Variants in DNAJC3 observed in about 807,000 individuals in gnomAD.
DNAJC3 encodes the protein dnaJ homolog subfamily C member 3.
Under a neutral mutation model 68.6 loss-of-function variants are expected in DNAJC3, and 38 were observed. The ratio of observed to expected loss-of-function variants is 0.55; its 90% CI spans 0.43 to 0.73. DNAJC3 has a LOEUF of 0.73. Among genes scored for constraint, DNAJC3 ranks in the 30% least tolerant of loss-of-function variants. DNAJC3 has a pLI of 0.00. For synonymous variants in DNAJC3, 203 were observed against 204.0 expected, an observed-to-expected ratio of 1.00 and a Z score of 0.04; for missense variants, 526 against 591.9, an observed-to-expected ratio of 0.89 and a Z score of 1.16.
At chr13:95,776,056 T>A (rs1269927510) in intron 9 of DNAJC3, among the ~76,000 whole-genome samples, 2 of 152,068 alleles carry the variant, frequency 1.3e-5, no homozygotes, top group Non-Finnish European at 2.9e-5. Flanking sequence ...AACTCCTGGC[T>A]GTGCCTGGCC....
intron 4 of DNAJC3, among the ~76,000 whole-genome samples, chr13:95,756,338 A>G (rs944442495): frequency 2.0e-5 from 3 of 152,340 alleles, no homozygotes; most frequent in Admixed American, 2.0e-4. Context: ...TGGATGATGC[A>G]ATCATTCCGG....
intron 9 of DNAJC3, among the ~76,000 whole-genome samples, chr13:95,774,386 T>A (rs1169158296): frequency 2.6e-5 from 4 of 152,204 alleles, no homozygotes; most frequent in Non-Finnish European, 5.9e-5. Context: ...TCCATTGTGG[T>A]CAGAGAACAT....
intron 9 of DNAJC3, among the ~76,000 whole-genome samples, chr13:95,773,109 AT>A (rs540121753): frequency 0.11 from 7,238 of 62,978 alleles, 338 homozygotes; most frequent in Middle Eastern, 0.24. Flanking sequence ...TTGGTTTTTG[AT>A]TTTTTTTTTT....
chr13:95,789,159 TA>T (rs1883687927), intron 11 of DNAJC3, among the ~76,000 whole-genome samples: 2 of 152,200 alleles, frequency 1.3e-5, no homozygotes, highest in East Asian at 1.9e-4. Context: ...TAAGTCTTTT[TA>T]TTTTTTTTTT....
chr13:95,701,425 A>G (rs1201046210), intron 1 of DNAJC3, among the ~76,000 whole-genome samples: 1 of 152,218 alleles, frequency 6.6e-6, no homozygotes, highest in African/African-American at 2.4e-5. Flanking sequence ...GGGCCGCTAA[A>G]TGGAAAAGGC....
At chr13:95,741,972 A>G (rs1487898002) in intron 4 of DNAJC3, among the ~76,000 whole-genome samples, 1 of 152,050 alleles carries the variant, frequency 6.6e-6, no homozygotes, top group African/African-American at 2.4e-5. Context: ...TGTGGTGGGT[A>G]AGGGTGGGGT....
chr13:95,708,019 C>T (rs1299037891), intron 1 of DNAJC3, among the ~76,000 whole-genome samples: 1 of 152,078 alleles, frequency 6.6e-6, no homozygotes, highest in Non-Finnish European at 1.5e-5. Context: ...CTGAGGTTGC[C>T]AGATCACTGA....
intron 9 of DNAJC3, among the ~76,000 whole-genome samples, chr13:95,765,676 ATTC>A (rs907696625): frequency 6.6e-6 from 1 of 151,100 alleles, no homozygotes; most frequent in Non-Finnish European, 1.5e-5. Context: ...ATTGCAACCA[ATTC>A]TTCTGCCTCA....
At chr13:95,754,781 C>T (rs967021228) in intron 4 of DNAJC3, among the ~76,000 whole-genome samples, 2 of 152,152 alleles carry the variant, frequency 1.3e-5, no homozygotes, top group African/African-American at 4.8e-5. Context: ...TGGGGGCCAT[C>T]TTAGAAGGCT....
chr13:95,677,722 G>T (rs938221143), intron 1 of DNAJC3, among the ~76,000 whole-genome samples: 1 of 152,248 alleles, frequency 6.6e-6, no homozygotes, highest in African/African-American at 2.4e-5. Context: ...ATTGGTGCTG[G>T]CTGGGAGGAG....
chr13:95,754,194 C>G (rs1882579666), intron 4 of DNAJC3, among the ~76,000 whole-genome samples: 1 of 152,220 alleles, frequency 6.6e-6, no homozygotes, highest in African/African-American at 2.4e-5. Flanking sequence ...TAGCTGAGGG[C>G]TTGGCCAGTA....
At chr13:95,735,566 G>A (rs1881881397) in intron 4 of DNAJC3, among the ~76,000 whole-genome samples, 1 of 151,070 alleles carries the variant, frequency 6.6e-6, no homozygotes, top group African/African-American at 2.5e-5. Context: ...TTTCTCTGAT[G>A]GCCAGTGATG....
At chr13:95,735,158 G>T (rs368115171) in intron 4 of DNAJC3, among the ~76,000 whole-genome samples, 2 of 146,138 alleles carry the variant, frequency 1.4e-5, no homozygotes, top group Non-Finnish European at 3.0e-5. Context: ...ACTCATCATT[G>T]TTTATGGCTG....
intron 11 of DNAJC3, among the ~76,000 whole-genome samples, chr13:95,789,787 C>G (rs960912450): frequency 2.0e-5 from 3 of 152,186 alleles, no homozygotes; most frequent in Non-Finnish European, 4.4e-5. Flanking sequence ...GTTCCTTTTT[C>G]ACCACAACCT....
chr13:95,783,173 A>G (rs757521667), intron 9 of DNAJC3, among the ~76,000 whole-genome samples: 4 of 152,170 alleles, frequency 2.6e-5, no homozygotes, highest in Non-Finnish European at 5.9e-5. Context: ...ATAACTTAAA[A>G]TGGTCTGTCT....
intron 4 of DNAJC3, among the ~76,000 whole-genome samples, chr13:95,735,849 TC>T (rs1421412211): frequency 6.6e-6 from 1 of 152,052 alleles, no homozygotes; most frequent in Non-Finnish European, 1.5e-5. Flanking sequence ...GTCAATTTTG[TC>T]TTTTGTTGCC....
chr13:95,728,716 C>T lies in DNAJC3; in HGVS notation c.393+3464C>T, dbSNP rs1167401933. Among the ~76,000 whole-genome samples, 3 of 152,238 alleles carry T rather than the reference C, an allele frequency of 2.0e-5. No homozygotes were observed. In the East Asian group the frequency reaches 5.8e-4, roughly 29 times the overall value. ...TGCATATTTATGTATTTTTGAGGAACATGTGATGCCTTGTTACATGCATAG... is the reference window on the plus strand; with the variant it reads ...TGCATATTTATGTATTTTTGAGGAATATGTGATGCCTTGTTACATGCATAG... On this transcript the variant is annotated intron_variant, in intron 4 of 11. Coordinates refer to ENST00000602402, the MANE Select transcript of DNAJC3 (RefSeq NM_006260.5).
At position 95,677,198 on chromosome 13, in the gene DNAJC3, C is replaced by T. The variant is rs1879775652; in HGVS notation, c.-58C>T. The T allele has an allele frequency of 3.3e-6, 5 of 1,525,750 alleles. No individual in the cohort carries two copies. In the Admixed American group the frequency reaches 5.5e-5, roughly 17 times the overall value. The allele number at this position is 1,525,750 out of a possible 1,614,324, so 94.5% of individuals were successfully genotyped here. On this transcript the variant is annotated 5_prime_UTR_variant, in exon 1 of 12. Transcript: ENST00000602402. ...GGCGGGCGCAGCTGCTGCCGGAGCG[C>T]CGGCGCGTGCTGGTGGGCCACACAC... is the stretch of plus-strand genomic sequence containing the variant.
intron 11 of DNAJC3, 133 bp downstream of exon 11, chr13:95,787,288 TTTATGCCTGCCCTCA>T: frequency 9.1e-7 from 1 of 1,100,710 alleles, no homozygotes; most frequent in Non-Finnish European, 1.3e-6. Context: ...GAGGTCCAGT[TTTATGCCTGCCCTCA>T]TTCAGCCCTC....
Sources: allele counts gnomAD v4.1 joint callset (sites outside exome capture counted in the v4.1 genomes callset), GRCh38; gene constraint gnomAD v4.1.1; transcripts MANE v1.5; gene names NCBI Gene and HGNC (gene_info 2026-07-23, HGNC 2026-07-21).